Variants in CORO2B observed in about 807,000 individuals in gnomAD.
The protein encoded by CORO2B is coronin-2B.
In CORO2B, 26 loss-of-function variants were observed where a neutral mutation model predicts 58.8. The ratio of observed to expected loss-of-function variants is 0.44; its 90% CI spans 0.32 to 0.61. CORO2B has a LOEUF of 0.61. CORO2B is among the 20% of genes least tolerant of loss of function. The probability of loss-of-function intolerance (pLI) is 0.04; values close to 1 mark genes in which losing one functional copy is unlikely to be tolerated. For synonymous variants in CORO2B, 242 were observed against 253.8 expected (o/e 0.95, Z 0.44); for missense variants, 460 against 645.1 (o/e 0.71, Z 3.11).
At chr15:68,591,852 G>T (rs926096442) in intron 1 of CORO2B, among the ~76,000 whole-genome samples, 2 of 152,170 alleles carry the variant, frequency 1.3e-5, no homozygotes, top group Non-Finnish European at 2.9e-5. Context: ...CTAGGAAAAC[G>T]TGGTTATAGC....
the CORO2B span, among the ~76,000 whole-genome samples, chr15:68,535,004 A>T: frequency 6.6e-6 from 1 of 152,148 alleles, no homozygotes; most frequent in Non-Finnish European, 1.5e-5. Flanking sequence ...GTTATCTCCC[A>T]CTGGGTCCCT....
chr15:68,643,476 A>G (rs1282522830), intron 1 of CORO2B, among the ~76,000 whole-genome samples: 1 of 152,222 alleles, frequency 6.6e-6, no homozygotes, highest in Non-Finnish European at 1.5e-5. Flanking sequence ...CTCAGCAGAG[A>G]GAGACAGCAA....
intron 2 of CORO2B, among the ~76,000 whole-genome samples, chr15:68,685,400 T>C (rs1404846820): frequency 1.3e-5 from 2 of 152,096 alleles, no homozygotes; most frequent in Non-Finnish European, 2.9e-5. Context: ...TTAGTAAAGA[T>C]GGGATTTTGC....
At chr15:68,686,104 C>G (rs370408788) in intron 2 of CORO2B, among the ~76,000 whole-genome samples, 1 of 144,918 alleles carries the variant, frequency 6.9e-6, no homozygotes, top group East Asian at 2.1e-4. Context: ...ATGGCGCAAC[C>G]TTGGCTCATT....
chr15:68,588,492 GTAGATC>G (rs1239783919), intron 1 of CORO2B, among the ~76,000 whole-genome samples: 1 of 152,196 alleles, frequency 6.6e-6, no homozygotes, highest in African/African-American at 2.4e-5. Context: ...CCGGCTCTCT[GTAGATC>G]AGAGCTCCCT....
intron 1 of CORO2B, among the ~76,000 whole-genome samples, chr15:68,628,532 C>T (rs1421189424): frequency 6.6e-6 from 1 of 152,160 alleles, no homozygotes; most frequent in African/African-American, 2.4e-5. Flanking sequence ...CATTTTGTAA[C>T]AAGGGAATAG....
At chr15:68,549,757 G>A in the CORO2B span, among the ~76,000 whole-genome samples, 1 of 152,104 alleles carries the variant, frequency 6.6e-6, no homozygotes, top group Admixed American at 6.5e-5. Flanking sequence ...TGGCTGACAT[G>A]GTGAAACCCT....
the CORO2B span, among the ~76,000 whole-genome samples, chr15:68,573,924 G>A: frequency 6.6e-6 from 1 of 152,150 alleles, no homozygotes; most frequent in Admixed American, 6.5e-5. Flanking sequence ...TCTGGAGGAG[G>A]CGATACCTAA....
intron 2 of CORO2B, among the ~76,000 whole-genome samples, chr15:68,653,976 C>G (rs1901724258): frequency 6.6e-6 from 1 of 152,146 alleles, no homozygotes; most frequent in Non-Finnish European, 1.5e-5. Context: ...CTCAATCGTT[C>G]TTTGTTCTTC....
intron 3 of CORO2B, among the ~76,000 whole-genome samples, chr15:68,705,529 G>A (rs78983412): frequency 0.024 from 3,709 of 152,050 alleles, 151 homozygotes; most frequent in African/African-American, 0.083. Flanking sequence ...ATAAAGCAAG[G>A]CACCTCTCTC....
chr15:68,709,730 T>C (rs959830813), intron 3 of CORO2B, among the ~76,000 whole-genome samples: 3 of 152,178 alleles, frequency 2.0e-5, no homozygotes, highest in African/African-American at 7.2e-5. Flanking sequence ...TCACATGTGC[T>C]CTTTCCAACC....
At chr15:68,593,777 G>A (rs188796264) in intron 1 of CORO2B, among the ~76,000 whole-genome samples, 1 of 152,230 alleles carries the variant, frequency 6.6e-6, no homozygotes. Flanking sequence ...CGAAGTGGGT[G>A]TAGGACGCAT....
At chr15:68,575,577 G>GCTCCC (rs370419859), upstream of CORO2B, among the ~76,000 whole-genome samples, 3 of 38,752 alleles carry the variant, frequency 7.7e-5, 1 homozygote, top group Non-Finnish European at 1.1e-4. Context: ...CTTGTGATCT[G>GCTCCC]CCCCCGCCTC....
chr15:68,557,937 G>A, the CORO2B span, among the ~76,000 whole-genome samples: 6 of 152,288 alleles, frequency 3.9e-5, no homozygotes, highest in South Asian at 1.0e-3. Context: ...AATATATTAC[G>A]TCTGTCCAGT....
chr15:68,556,711 G>A, the CORO2B span, among the ~76,000 whole-genome samples: 3 of 152,218 alleles, frequency 2.0e-5, no homozygotes, highest in Non-Finnish European at 2.9e-5. Flanking sequence ...AGTCCACTTG[G>A]TTGTTGTTCG....
intron 11 of CORO2B, among the ~76,000 whole-genome samples, chr15:68,724,933 T>C (rs1185447956): frequency 6.6e-6 from 1 of 152,184 alleles, no homozygotes; most frequent in African/African-American, 2.4e-5. Flanking sequence ...TCTGCCAGGA[T>C]AGCTGTACAT....
At chr15:68,576,973 A>G (rs1383350535), upstream of CORO2B, among the ~76,000 whole-genome samples, 1 of 152,138 alleles carries the variant, frequency 6.6e-6, no homozygotes, top group Non-Finnish European at 1.5e-5. Context: ...TGGAGTTGTC[A>G]GGAGAGGTGG....
the CORO2B span, among the ~76,000 whole-genome samples, chr15:68,526,175 GCATGTA>G: frequency 6.6e-6 from 1 of 152,144 alleles, no homozygotes; most frequent in African/African-American, 2.4e-5. Flanking sequence ...ACCAGTTTAT[GCATGTA>G]CATTTTGGTT....
the CORO2B span, among the ~76,000 whole-genome samples, chr15:68,536,502 C>T: frequency 3.3e-5 from 5 of 152,322 alleles, no homozygotes; most frequent in South Asian, 4.1e-4. Flanking sequence ...CATTTCAGAA[C>T]GTTGGCCTGT....
Sources: gnomAD v4.1 joint callset for allele counts (sites outside exome capture counted in the v4.1 genomes callset) on GRCh38, gnomAD v4.1.1 for gene constraint, MANE v1.5 for transcripts, NCBI Gene and HGNC (gene_info 2026-07-23, HGNC 2026-07-21) for gene names.